The following ZBTB16 variants were observed in gnomAD, a reference collection of about 807,000 sequenced individuals.
The protein encoded by ZBTB16 is zinc finger and BTB domain-containing protein 16.
In ZBTB16, 8 loss-of-function variants were observed where a neutral mutation model predicts 56.8. That is an observed-to-expected ratio of 0.14 (90% CI 0.08 to 0.25). The LOEUF is 0.25. Ranked by LOEUF, ZBTB16 falls within the 10% of genes least tolerant of loss-of-function variation. The pLI is 1.00. For synonymous variants in ZBTB16, 363 were observed against 368.5 expected (o/e 0.98, Z 0.17); for missense variants, 625 against 903.0 (o/e 0.69, Z 3.95).
At chr11:114,171,578 C>A (rs1018024048) in intron 3 of ZBTB16, among the ~76,000 whole-genome samples, 1 of 152,172 alleles carries the variant, frequency 6.6e-6, no homozygotes. Context: ...CCCCGGCCCC[C>A]CAAGGTGACA....
chr11:114,214,811 C>T (rs1220728236), intron 4 of ZBTB16, among the ~76,000 whole-genome samples: 1 of 152,116 alleles, frequency 6.6e-6, no homozygotes, highest in Non-Finnish European at 1.5e-5. Context: ...GCCATGTTGG[C>T]CAGCCTGTGG....
At chr11:114,068,704 G>A (rs1443259567) in intron 2 of ZBTB16, among the ~76,000 whole-genome samples, 1 of 152,190 alleles carries the variant, frequency 6.6e-6, no homozygotes, top group Non-Finnish European at 1.5e-5. Context: ...AATGCCTGAG[G>A]GAGGGGAAGA....
At chr11:114,240,986 T>C (rs1257923482) in intron 4 of ZBTB16, among the ~76,000 whole-genome samples, 2 of 152,178 alleles carry the variant, frequency 1.3e-5, no homozygotes, top group African/African-American at 4.8e-5. Flanking sequence ...ACCATTCCTC[T>C]GTCTGATCCT....
chr11:114,075,651 A>AT (rs1565611190), intron 2 of ZBTB16, among the ~76,000 whole-genome samples: 2 of 144,504 alleles, frequency 1.4e-5, no homozygotes, highest in African/African-American at 5.1e-5. Flanking sequence ...ATATATATTT[A>AT]GTAGAGATGG....
intron 2 of ZBTB16, among the ~76,000 whole-genome samples, chr11:114,130,530 A>G (rs1941632790): frequency 6.6e-6 from 1 of 152,234 alleles, no homozygotes; most frequent in Non-Finnish European, 1.5e-5. Flanking sequence ...TTGCGAGCAC[A>G]CGCATCTACA....
In ZBTB16 at chr11:114,244,304, G is replaced by T. The variant is rs2515788; in HGVS notation, c.1624+1967G>T. On this transcript the variant is annotated intron_variant, in intron 5 of 6. Coordinates refer to ENST00000335953, the MANE Select transcript of ZBTB16 (RefSeq NM_006006.6). ...GGAGCCAGCAGGATGGGGCTGGGGT[G>T]GGGAGGACGACAGACACTGGGCTTG... Among the ~76,000 whole-genome samples, 4 of 151,920 alleles carry T rather than the reference G, an allele frequency of 2.6e-5. No homozygotes were observed. The South Asian group carries it at 6.3e-4, about 24-fold the overall frequency.
chr11:114,104,269 A>G (rs150273611), intron 2 of ZBTB16, among the ~76,000 whole-genome samples: 174 of 152,356 alleles, frequency 1.1e-3, no homozygotes, highest in African/African-American at 3.9e-3. Flanking sequence ...TAAAAGTAGC[A>G]TAGGGAGTGG....
chr11:114,248,780 G>A (rs1362449266), intron 6 of ZBTB16, among the ~76,000 whole-genome samples: 5 of 152,226 alleles, frequency 3.3e-5, no homozygotes, highest in Non-Finnish European at 7.3e-5. Context: ...TAGTGGCCCA[G>A]AGGATTTCCC....
intron 2 of ZBTB16, among the ~76,000 whole-genome samples, chr11:114,155,507 TGTGACCG>T (rs751184593): frequency 4.6e-5 from 7 of 152,198 alleles, no homozygotes; most frequent in Non-Finnish European, 1.0e-4. Flanking sequence ...AGGTTGGGCC[TGTGACCG>T]GTTGTTACTG....
chr11:114,148,436 T>TGTCTG (rs373061678), intron 2 of ZBTB16, among the ~76,000 whole-genome samples: 1 of 43,218 alleles, frequency 2.3e-5, no homozygotes. Flanking sequence ...TCTCTCTCTC[T>TGTCTG]TTCTCTCTCT....
chr11:114,064,590 C>T lies in ZBTB16; in HGVS notation c.1268+22C>T, dbSNP rs200119304. 3.7e-6 allele frequency: 6 copies of T among 1,612,586 alleles called. No individual in the cohort carries two copies. The African/African-American group carries it at 5.3e-5, about 14-fold the overall frequency. Reference sequence around the variant, plus strand: ...ACAGGTAGGCCCCGCTCCAGCCCCGCACCTGATGTAGGACTTGAGGCCCTC... The same window carrying T: ...ACAGGTAGGCCCCGCTCCAGCCCCGTACCTGATGTAGGACTTGAGGCCCTC... On this transcript the variant is annotated intron_variant, in intron 2 of 6. Coordinates refer to ENST00000335953, the MANE Select transcript of ZBTB16 (RefSeq NM_006006.6). The surrounding 1 kb of genome is among the most constrained non-coding windows in gnomAD (Gnocchi z 4.2).
At position 114,221,838 on chromosome 11, in the gene ZBTB16, C is replaced by T. The variant is rs115892577; in HGVS notation, c.1454-20329C>T. Among the ~76,000 whole-genome samples, 428 of 152,220 alleles carry T rather than the reference C, an allele frequency of 2.8e-3. 3 individuals carry two copies. Among genetic ancestry groups the T allele is most frequent in the African/African-American group, 9.9e-3 (412 of 41,516 alleles). On this transcript the variant is annotated intron_variant, in intron 4 of 6. Transcript: ENST00000335953. ...AAAAGGCAATTTCAGAAAACAACTG[C>T]AACTGAATGACTCAGGAAGAGAAAG...
chr11:114,112,453 G>C (rs930884684), intron 2 of ZBTB16, among the ~76,000 whole-genome samples: 18 of 152,314 alleles, frequency 1.2e-4, no homozygotes, highest in Admixed American at 7.8e-4. Flanking sequence ...GAGAGGGCAC[G>C]AAGATGAGGA....
At chr11:114,081,868 C>T (rs868482825) in intron 2 of ZBTB16, among the ~76,000 whole-genome samples, 9 of 151,846 alleles carry the variant, frequency 5.9e-5, no homozygotes, top group Middle Eastern at 3.2e-3. Flanking sequence ...GCTATAAATG[C>T]GTGGAGAGAG....
chr11:114,193,022 A>C (rs1360818065), intron 4 of ZBTB16, among the ~76,000 whole-genome samples: 5 of 152,178 alleles, frequency 3.3e-5, no homozygotes, highest in Admixed American at 3.3e-4. Flanking sequence ...TGTGCCTGGC[A>C]CCTGCTGGGG....
At chr11:114,240,411 T>C (rs1268119210) in intron 4 of ZBTB16, among the ~76,000 whole-genome samples, 2 of 152,162 alleles carry the variant, frequency 1.3e-5, no homozygotes, top group Non-Finnish European at 2.9e-5. Flanking sequence ...CCCGATTCCA[T>C]GCTGAGCAGC....
At position 114,173,030 on chromosome 11, in the gene ZBTB16, G is replaced by C. The variant is rs3888693; in HGVS notation, c.1367-13922G>C. On this transcript the variant is annotated intron_variant, in intron 3 of 6. Coordinates refer to ENST00000335953, the MANE Select transcript of ZBTB16 (RefSeq NM_006006.6). ...ATGTAACACCTCAATTATGGTGCAG[G>C]GGGTAAGGAAGCCAGACTCTGAAAC... Among the ~76,000 whole-genome samples, 480 of 152,278 alleles carry C rather than the reference G, an allele frequency of 3.2e-3. 15 individuals carry two copies. The highest frequency in any genetic ancestry group is 0.03 in the Admixed American group (457 of 15,300).
intron 2 of ZBTB16, among the ~76,000 whole-genome samples, chr11:114,112,173 C>T (rs948722386): frequency 1.1e-4 from 16 of 152,148 alleles, no homozygotes. Context: ...TTTGTTGGTT[C>T]TCTTTCGATA....
intron 6 of ZBTB16, among the ~76,000 whole-genome samples, chr11:114,248,883 T>C (rs1944863857): frequency 6.6e-6 from 1 of 152,176 alleles, no homozygotes; most frequent in Non-Finnish European, 1.5e-5. Flanking sequence ...AAATAGCTGG[T>C]CGATAGTTAG....
Sources: gnomAD v4.1 joint callset for allele counts (sites outside exome capture counted in the v4.1 genomes callset) on GRCh38, gnomAD v4.1.1 for gene constraint, Gnocchi (gnomAD v3.1) non-coding constraint, MANE v1.5 for transcripts, NCBI Gene and HGNC (gene_info 2026-07-23, HGNC 2026-07-21) for gene names.